The following DMD variants were observed in gnomAD, a reference collection of about 807,000 sequenced individuals.
DMD encodes the protein mutant dystrophin.
A neutral mutation model predicts 330.1 loss-of-function variants in DMD; 63 were observed. The ratio of observed to expected loss-of-function variants is 0.19; its 90% CI spans 0.16 to 0.24. The LOEUF (loss-of-function observed/expected upper bound fraction) is 0.24. DMD is among the 10% of genes least tolerant of loss of function. DMD has a pLI of 1.00. For synonymous variants in DMD, 1,223 were observed against 959.8 expected, an observed-to-expected ratio of 1.27 and a Z score of -5.07; for missense variants, 3,344 against 2,684.1, an observed-to-expected ratio of 1.25 and a Z score of -5.43.
At chrX:33,117,743 T>C (rs2095395843) in intron 1 of DMD, among the ~76,000 whole-genome samples, 1 of 111,684 alleles carries the variant, frequency 9.0e-6, no homozygotes, top group Non-Finnish European at 1.9e-5. Flanking sequence ...GTCTGTAATT[T>C]CCTTGCATCA....
chrX:31,304,624 A>G (rs1210242925), intron 62 of DMD, among the ~76,000 whole-genome samples: 1 of 108,189 alleles, frequency 9.2e-6, no homozygotes. Flanking sequence ...TATATATAAT[A>G]TAAAATATAA....
chrX:32,375,922 G>A (rs1425506864), intron 34 of DMD, among the ~76,000 whole-genome samples: 2 of 111,396 alleles, frequency 1.8e-5, no homozygotes, highest in African/African-American at 6.5e-5. Flanking sequence ...AAAACAAATG[G>A]TGAATTGCCC....
chrX:31,852,003 T>TA lies in DMD; in HGVS notation c.7099-15185dup, dbSNP rs200266804. On this transcript the variant is annotated intron_variant, in intron 48 of 78. Transcript: ENST00000357033. ...GCAGGAGTGTATGTGTATGTTCAAT[T>TA]AAAAAAAAAAGGACACCAGGGTGAG... Among the ~76,000 whole-genome samples, 12 of 106,418 alleles carry TA rather than the reference T, an allele frequency of 1.1e-4. No individual in the cohort carries two copies. The East Asian group carries it at 2.1e-3, about 18-fold the overall frequency. The allele number at this position is 106,418 out of a possible 115,157, so 92.4% of individuals were successfully genotyped here. A position where few individuals can be genotyped will look rare whatever the true frequency, so the allele number is the denominator to read the frequency against.
intron 34 of DMD, among the ~76,000 whole-genome samples, chrX:32,374,927 C>A (rs2097895514): frequency 9.0e-6 from 1 of 111,660 alleles, no homozygotes; most frequent in Non-Finnish European, 1.9e-5. Context: ...GAGCTTTTTG[C>A]ACAGTTTTCT....
intron 13 of DMD, among the ~76,000 whole-genome samples, chrX:32,580,128 C>T (rs2053501974): frequency 1.8e-5 from 2 of 109,620 alleles, no homozygotes; most frequent in African/African-American, 3.3e-5. Context: ...TCCAGCGTAA[C>T]AGTGTTCCTT....
At chrX:31,679,612 A>G (rs748136240) in intron 52 of DMD, 26 bp from the exon 53 acceptor site, 47 of 1,122,478 alleles carry the variant, frequency 4.2e-5, no homozygotes, top group Non-Finnish European at 5.6e-5. Flanking sequence ...AAATAAATAT[A>G]TAGTAGTAAA....
At chrX:32,597,527 C>A (rs1231563244) in intron 12 of DMD, among the ~76,000 whole-genome samples, 1 of 111,631 alleles carries the variant, frequency 9.0e-6, no homozygotes, top group East Asian at 2.8e-4. Context: ...ATTACACTAA[C>A]CTCAACAGAA....
intron 11 of DMD, among the ~76,000 whole-genome samples, chrX:32,620,580 G>A (rs2057914918): frequency 1.8e-5 from 2 of 112,100 alleles, no homozygotes; most frequent in South Asian, 3.7e-4. Context: ...AAACAACAGA[G>A]ATGAGATATC....
chrX:33,254,903 G>T (rs2052831931), intron 1 of DMD, among the ~76,000 whole-genome samples: 1 of 110,460 alleles, frequency 9.1e-6, no homozygotes, highest in Non-Finnish European at 1.9e-5. Flanking sequence ...ATGATTTTAA[G>T]AAATAGTTTG....
intron 7 of DMD, among the ~76,000 whole-genome samples, chrX:32,807,728 T>C (rs915855053): frequency 9.0e-6 from 1 of 111,685 alleles, no homozygotes; most frequent in Non-Finnish European, 1.9e-5. Context: ...CATAGGTGTA[T>C]ATATTTACCT....
intron 60 of DMD, among the ~76,000 whole-genome samples, chrX:31,395,340 T>C (rs778435597): frequency 6.2e-5 from 7 of 112,489 alleles, no homozygotes; most frequent in Non-Finnish European, 1.3e-4. Context: ...AGTTTTCAAA[T>C]TACTTCGTTC....
At chrX:32,585,707 A>AAAAAAAAAAAAAAAAAAAAAAAC (rs2054200345) in intron 13 of DMD, among the ~76,000 whole-genome samples, 1 of 73,679 alleles carries the variant, frequency 1.4e-5, no homozygotes, top group Non-Finnish European at 2.8e-5. Context: ...CTCAAAAAAA[A>AAAAAAAAAAAAAAAAAAAAAAAC]AAAAAAAAAA....
At chrX:33,215,249 G>C (rs2052032099), upstream of DMD, among the ~76,000 whole-genome samples, 1 of 108,436 alleles carries the variant, frequency 9.2e-6, no homozygotes, top group Middle Eastern at 4.7e-3. Context: ...CGCTTGAGCA[G>C]GGGAGGTGAA....
intron 57 of DMD, among the ~76,000 whole-genome samples, chrX:31,489,086 G>A (rs2069045092): frequency 8.9e-6 from 1 of 111,968 alleles, no homozygotes; most frequent in African/African-American, 3.3e-5. Flanking sequence ...TGCTTCTTCT[G>A]CCTAGAATCC....
chrX:33,313,921 G>A (rs2053887607), intron 1 of DMD, among the ~76,000 whole-genome samples: 1 of 110,968 alleles, frequency 9.0e-6, no homozygotes, highest in African/African-American at 3.3e-5. Flanking sequence ...CAAACCCAGT[G>A]TATTCTACTC....
intron 50 of DMD, among the ~76,000 whole-genome samples, chrX:31,802,372 AC>A (rs1014374227): frequency 1.8e-5 from 2 of 111,388 alleles, no homozygotes; most frequent in African/African-American, 6.5e-5. Context: ...GAAAGGTGGG[AC>A]TATTAGTCAC....
chrX:32,227,314 TAC>T (rs1208278841), intron 43 of DMD, among the ~76,000 whole-genome samples: 1 of 49,308 alleles, frequency 2.0e-5, no homozygotes, highest in Non-Finnish European at 3.9e-5. Flanking sequence ...TATATATATG[TAC>T]ACACACACAA....
intron 60 of DMD, among the ~76,000 whole-genome samples, chrX:31,428,640 G>A (rs1247580531): frequency 1.8e-5 from 2 of 111,714 alleles, no homozygotes; most frequent in Admixed American, 1.9e-4. Context: ...CTTCCATTCT[G>A]CCATTCTTGG....
At chrX:32,742,811 G>C (rs752835569) in intron 7 of DMD, among the ~76,000 whole-genome samples, 9 of 112,070 alleles carry the variant, frequency 8.0e-5, no homozygotes, top group African/African-American at 9.7e-5. Flanking sequence ...AAATTTTCAT[G>C]TTCTCTTCTG....
Sources: allele counts gnomAD v4.1 joint callset (sites outside exome capture counted in the v4.1 genomes callset), GRCh38; gene constraint gnomAD v4.1.1; transcripts MANE v1.5; gene names NCBI Gene and HGNC (gene_info 2026-07-23, HGNC 2026-07-21).